Variants in FIGN observed in about 807,000 individuals in gnomAD.
FIGN encodes the protein fidgetin, microtubule severing factor, also known as fidgetin.
Under a neutral mutation model 51.3 loss-of-function variants are expected in FIGN, and 11 were observed. That is an observed-to-expected ratio of 0.21 (90% CI 0.13 to 0.35). The LOEUF (loss-of-function observed/expected upper bound fraction) is 0.35, where lower values mean the gene tolerates loss of function less well. Ranked by LOEUF, FIGN falls within the 10% of genes least tolerant of loss-of-function variation. FIGN has a pLI of 1.00. For missense variants in FIGN, 857 were observed against 943.6 expected (o/e 0.91, Z 1.20); for synonymous variants, 407 against 363.2 (o/e 1.12, Z -1.37).
intron 2 of FIGN, among the ~76,000 whole-genome samples, chr2:163,643,921 A>T (rs1168310202): frequency 9.3e-6 from 1 of 107,718 alleles, no homozygotes; most frequent in African/African-American, 3.5e-5. Context: ...AACAAGAGCG[A>T]AACTCTGTCT....
At chr2:163,732,189 C>A (rs1322924466) in intron 2 of FIGN, among the ~76,000 whole-genome samples, 1 of 152,136 alleles carries the variant, frequency 6.6e-6, no homozygotes, top group Admixed American at 6.5e-5. Context: ...CATGTTTAAT[C>A]TGATACCTCT....
intron 2 of FIGN, among the ~76,000 whole-genome samples, chr2:163,642,046 T>TA (rs1260786686): frequency 1.3e-5 from 2 of 152,252 alleles, no homozygotes; most frequent in African/African-American, 4.8e-5. Context: ...CCTAACCTGA[T>TA]AGACTCATTT....
chr2:163,684,578 A>G (rs1022600448), intron 2 of FIGN, among the ~76,000 whole-genome samples: 7 of 152,152 alleles, frequency 4.6e-5, no homozygotes, highest in Non-Finnish European at 1.0e-4. Flanking sequence ...TCTTTCAAGC[A>G]CACAATCTAG....
chr2:163,667,735 T>A (rs1683803373), intron 2 of FIGN, among the ~76,000 whole-genome samples: 1 of 152,166 alleles, frequency 6.6e-6, no homozygotes, highest in African/African-American at 2.4e-5. Context: ...CATATCCTGT[T>A]CTAGGCAGCT....
At chr2:163,646,506 G>C (rs1460538920) in intron 2 of FIGN, among the ~76,000 whole-genome samples, 1 of 152,002 alleles carries the variant, frequency 6.6e-6, no homozygotes, top group African/African-American at 2.4e-5. Context: ...ATTTTGCAGG[G>C]ACAAATCTCA....
At chr2:163,621,953 A>G (rs1044217497) in intron 2 of FIGN, among the ~76,000 whole-genome samples, 1 of 152,130 alleles carries the variant, frequency 6.6e-6, no homozygotes, top group Non-Finnish European at 1.5e-5. Context: ...GCACAATTTC[A>G]TCTACTGTTA....
chr2:163,646,716 A>C (rs1236586484), intron 2 of FIGN, among the ~76,000 whole-genome samples: 1 of 152,206 alleles, frequency 6.6e-6, no homozygotes, highest in African/African-American at 2.4e-5. Flanking sequence ...TTGAAACAGG[A>C]TAAATAGGGA....
intron 2 of FIGN, among the ~76,000 whole-genome samples, chr2:163,664,582 G>A (rs1474136505): frequency 6.6e-6 from 1 of 152,190 alleles, no homozygotes; most frequent in Non-Finnish European, 1.5e-5. Context: ...CAGTAGTAAA[G>A]CATCATTTCT....
chr2:163,677,678 C>T (rs761316712), intron 2 of FIGN, among the ~76,000 whole-genome samples: 5 of 152,126 alleles, frequency 3.3e-5, no homozygotes, highest in Non-Finnish European at 7.4e-5. Context: ...AAATTAAATT[C>T]TCTTTTTTTA....
intron 2 of FIGN, among the ~76,000 whole-genome samples, chr2:163,734,293 C>G (rs1030478972): frequency 4.6e-5 from 7 of 151,552 alleles, no homozygotes; most frequent in Non-Finnish European, 1.5e-5. Context: ...TTTGGACAAT[C>G]AAAATATAAT....
Position 163,621,140 on chromosome 2 carries a change from A to G in FIGN, c.26-9334T>C, listed in dbSNP as rs538438427. On this transcript the variant is annotated intron_variant, in intron 2 of 2. Coordinates refer to ENST00000333129, the MANE Select transcript of FIGN (RefSeq NM_018086.4). Reference sequence around the variant, plus strand: ...TATGTAAGATTGAGCACTGTCTCATATAATTAGACAAAAGAGTAAGAATGT... The same window carrying G: ...TATGTAAGATTGAGCACTGTCTCATGTAATTAGACAAAAGAGTAAGAATGT... 5.9e-5 allele frequency among the ~76,000 whole-genome samples: 9 copies of G among 152,302 alleles called. No individual in the cohort carries two copies. The South Asian group carries it at 1.9e-3, about 32-fold the overall frequency.
At chr2:163,701,023 C>G (rs1476158143) in intron 2 of FIGN, among the ~76,000 whole-genome samples, 1 of 151,980 alleles carries the variant, frequency 6.6e-6, no homozygotes, top group Non-Finnish European at 1.5e-5. Flanking sequence ...AGTACAATTA[C>G]TAAGGAAATA....
chr2:163,717,978 C>T (rs754156073), intron 2 of FIGN, among the ~76,000 whole-genome samples: 6 of 151,960 alleles, frequency 3.9e-5, no homozygotes, highest in Non-Finnish European at 8.8e-5. Flanking sequence ...TTGTCTATGC[C>T]AGATGCTGTC....
intron 2 of FIGN, among the ~76,000 whole-genome samples, chr2:163,706,628 A>C (rs1684503801): frequency 6.6e-6 from 1 of 152,162 alleles, no homozygotes. Context: ...TAAAATACAC[A>C]ATTCATATCT....
chr2:163,623,708 T>C (rs1683007512), intron 2 of FIGN, among the ~76,000 whole-genome samples: 1 of 152,176 alleles, frequency 6.6e-6, no homozygotes, highest in Non-Finnish European at 1.5e-5. Flanking sequence ...ATTTTGTTTG[T>C]ACTTTACTTT....
intron 2 of FIGN, among the ~76,000 whole-genome samples, chr2:163,676,436 T>TAA (rs1454261362): frequency 8.5e-5 from 1 of 11,772 alleles, no homozygotes; most frequent in Admixed American, 5.9e-4. Flanking sequence ...ATTCCTGGAA[T>TAA]ATATATATAT....
chr2:163,657,629 A>G (rs1464572886), intron 2 of FIGN, among the ~76,000 whole-genome samples: 1 of 152,078 alleles, frequency 6.6e-6, no homozygotes, highest in Non-Finnish European at 1.5e-5. Context: ...TGTAATTAAA[A>G]GAAGCCTAAA....
At position 163,605,891 on chromosome 2, in the gene FIGN, A is replaced by C. The variant is rs554676468; in HGVS notation, c.*3661T>G. ...TTACAAAGACCTATTATAGGAACTA[A>C]TTTGGATTTTTTTTTTTTTTGGATG... On this transcript the variant is annotated 3_prime_UTR_variant, in exon 3 of 3. Coordinates refer to ENST00000333129, the MANE Select transcript of FIGN (RefSeq NM_018086.4). 27 of 143,680 alleles carry C rather than the reference A, an allele frequency of 1.9e-4. No individual in the cohort carries two copies. Among genetic ancestry groups the C allele is most frequent in the Non-Finnish European group, 3.5e-4 (23 of 66,422 alleles). 8.9% of individuals were successfully genotyped at this position (143,680 alleles called of 1,614,324 possible). A position where few individuals can be genotyped will look rare whatever the true frequency, so the allele number is the denominator to read the frequency against.
chr2:163,705,158 T>C (rs1684478848), intron 2 of FIGN, among the ~76,000 whole-genome samples: 1 of 152,170 alleles, frequency 6.6e-6, no homozygotes, highest in South Asian at 2.1e-4. Flanking sequence ...GAAACATGTG[T>C]TTAATACACA....
Sources: gnomAD v4.1 joint callset for allele counts (sites outside exome capture counted in the v4.1 genomes callset) on GRCh38, gnomAD v4.1.1 for gene constraint, MANE v1.5 for transcripts, NCBI Gene and HGNC (gene_info 2026-07-23, HGNC 2026-07-21) for gene names.